TAF3: variants seen among roughly 807,000 people sequenced by gnomAD.
TAF3 encodes the protein transcription initiation factor TFIID subunit 3.
Under a neutral mutation model 80.6 loss-of-function variants are expected in TAF3, and 7 were observed. The observed-to-expected ratio is 0.09, with a 90% CI of 0.05 to 0.16. The LOEUF (loss-of-function observed/expected upper bound fraction) is 0.16, where lower values mean the gene tolerates loss of function less well. TAF3 is among the 10% of genes least tolerant of loss of function. TAF3 has a pLI of 1.00. For missense variants in TAF3, 921 were observed against 1,140.2 expected (o/e 0.81, Z 2.77); for synonymous variants, 444 against 446.1 (o/e 1.00, Z 0.06).
chr10:7,838,912 T>TTTTTTTTTG (rs1323504338), intron 2 of TAF3, among the ~76,000 whole-genome samples: 1 of 140,744 alleles, frequency 7.1e-6, no homozygotes, highest in African/African-American at 2.7e-5. Context: ...TTGCTTGTTT[T>TTTTTTTTTG]TTTTTTTTTT....
intron 1 of TAF3, among the ~76,000 whole-genome samples, chr10:7,820,097 G>T (rs1029673143): frequency 6.6e-6 from 1 of 152,288 alleles, no homozygotes; most frequent in African/African-American, 2.4e-5. Context: ...TTTCCAAAAT[G>T]TTTTAAGCTG....
At chr10:7,933,100 A>AAC (rs1837884619) in intron 2 of TAF3, among the ~76,000 whole-genome samples, 1 of 26,482 alleles carries the variant, frequency 3.8e-5, no homozygotes, top group African/African-American at 6.7e-5. Flanking sequence ...AAAGCAAACA[A>AAC]AAAAAAAAAT....
At chr10:8,006,167 T>C (rs1400276982) in intron 4 of TAF3, among the ~76,000 whole-genome samples, 4 of 126,774 alleles carry the variant, frequency 3.2e-5, no homozygotes, top group African/African-American at 9.4e-5. Flanking sequence ...CCGTCTCTAC[T>C]GAAAAAAAAA....
At position 7,994,505 on chromosome 10, in the gene TAF3, G is replaced by A. The variant is rs749807461; in HGVS notation, c.2316-14573G>A. Among the ~76,000 whole-genome samples the A allele has an allele frequency of 2.7e-4, 41 of 152,194 alleles. 1 individual carries two copies. The highest frequency in any genetic ancestry group is 1.3e-4 in the Admixed American group (2 of 15,288). ...AGTTCAGATTTAATATTACTGTTAC[G>A]TATTTATTTATTGTTATTTAAAAAA... On this transcript the variant is annotated intron_variant, in intron 4 of 6. Coordinates refer to ENST00000344293, the MANE Select transcript of TAF3 (RefSeq NM_031923.4).
chr10:7,916,038 C>A (rs1320951750), intron 2 of TAF3, among the ~76,000 whole-genome samples: 1 of 151,344 alleles, frequency 6.6e-6, no homozygotes, highest in Non-Finnish European at 1.5e-5. Context: ...GGAGTCTAAA[C>A]AGTCTGTTGT....
At chr10:8,014,383 G>A (rs571096651) in intron 6 of TAF3, among the ~76,000 whole-genome samples, 1 of 152,198 alleles carries the variant, frequency 6.6e-6, no homozygotes, top group Non-Finnish European at 1.5e-5. Context: ...AGACAAAGCC[G>A]TGGCTCGGAA....
intron 2 of TAF3, among the ~76,000 whole-genome samples, chr10:7,852,847 A>T (rs1837042425): frequency 1.3e-5 from 2 of 152,222 alleles, no homozygotes; most frequent in South Asian, 2.1e-4. Flanking sequence ...GTATATGAAA[A>T]GCTGGATGAA....
chr10:7,974,214 G>T (rs1401668749), intron 3 of TAF3, among the ~76,000 whole-genome samples: 2 of 151,578 alleles, frequency 1.3e-5, no homozygotes, highest in South Asian at 4.2e-4. Flanking sequence ...TTATGCAAGG[G>T]TCTTGCTCCA....
At chr10:7,969,871 C>T (rs532322463) in intron 3 of TAF3, among the ~76,000 whole-genome samples, 157 of 152,322 alleles carry the variant, frequency 1.0e-3, no homozygotes, top group African/African-American at 3.6e-3. Context: ...ATTCACCAAC[C>T]TCCCATCCTC....
chr10:7,937,832 T>C (rs1837935872), intron 2 of TAF3, among the ~76,000 whole-genome samples: 1 of 152,224 alleles, frequency 6.6e-6, no homozygotes, highest in African/African-American at 2.4e-5. Flanking sequence ...AGGGGTACTT[T>C]TTTTATGCTC....
At chr10:7,966,234 T>A (rs1831570140) in intron 3 of TAF3, among the ~76,000 whole-genome samples, 1 of 152,212 alleles carries the variant, frequency 6.6e-6, no homozygotes, top group African/African-American at 2.4e-5. Context: ...TGGCATGTGT[T>A]TAGGATTATG....
intron 2 of TAF3, among the ~76,000 whole-genome samples, chr10:7,835,727 G>A (rs1313353451): frequency 1.3e-5 from 2 of 152,138 alleles, no homozygotes; most frequent in East Asian, 1.9e-4. Flanking sequence ...CAGAGGCCTG[G>A]TGGCCCTTTT....
At chr10:7,970,540 C>T (rs1255578610) in intron 3 of TAF3, among the ~76,000 whole-genome samples, 4 of 152,166 alleles carry the variant, frequency 2.6e-5, no homozygotes, top group African/African-American at 4.8e-5. Context: ...CTTTGGTGAC[C>T]TAAGTGACAA....
intron 4 of TAF3, among the ~76,000 whole-genome samples, chr10:7,980,118 A>C (rs1192201053): frequency 6.6e-6 from 1 of 151,886 alleles, no homozygotes; most frequent in Admixed American, 6.6e-5. Flanking sequence ...CTTGGGGGGG[A>C]ATAATACTCT....
intron 1 of TAF3, among the ~76,000 whole-genome samples, chr10:7,819,385 T>G (rs1368797878): frequency 1.3e-5 from 2 of 152,226 alleles, no homozygotes; most frequent in African/African-American, 2.4e-5. Flanking sequence ...GCCTCGTCTT[T>G]CTGTATCTGT....
Position 7,951,904 on chromosome 10 carries a change from C to G in TAF3, c.410-12016C>G, listed in dbSNP as rs1359495902. ...TCTCTATGATTGTAGGGTTTTTATT[C>G]TGTTTCTATTGTTTCACTTTCTGAT... On this transcript the variant is annotated intron_variant, in intron 2 of 6. Transcript: ENST00000344293. 2.0e-5 allele frequency among the ~76,000 whole-genome samples: 3 copies of G among 152,196 alleles called. No individual in the cohort carries two copies. In the East Asian group the frequency reaches 5.8e-4, roughly 29 times the overall value.
intron 2 of TAF3, among the ~76,000 whole-genome samples, chr10:7,836,828 C>T (rs1279482961): frequency 1.3e-5 from 2 of 152,194 alleles, no homozygotes; most frequent in East Asian, 3.8e-4. Flanking sequence ...AACTATTAGA[C>T]AAAAAATTAA....
intron 4 of TAF3, among the ~76,000 whole-genome samples, chr10:7,996,647 T>G (rs1230251330): frequency 6.6e-6 from 1 of 151,816 alleles, no homozygotes; most frequent in Non-Finnish European, 1.5e-5. Context: ...TGAGGGGGGT[T>G]TTTTTTGTGT....
intron 2 of TAF3, among the ~76,000 whole-genome samples, chr10:7,885,522 A>G (rs984146038): frequency 6.6e-6 from 1 of 152,062 alleles, no homozygotes; most frequent in Admixed American, 6.6e-5. Flanking sequence ...TCCTCACCGA[A>G]TCCTTTCCAC....
Sources: allele counts gnomAD v4.1 joint callset (sites outside exome capture counted in the v4.1 genomes callset), GRCh38; gene constraint gnomAD v4.1.1; transcripts MANE v1.5; gene names NCBI Gene and HGNC (gene_info 2026-07-23, HGNC 2026-07-21).